SP3: variants seen among roughly 807,000 people sequenced by gnomAD.
SP3 encodes Sp3 transcription factor, also known as transcription factor Sp3.
Under a neutral mutation model 70.3 loss-of-function variants are expected in SP3, and 10 were observed. That is an observed-to-expected ratio of 0.14 (90% CI 0.09 to 0.24). The LOEUF is 0.24. SP3 is among the 10% of genes least tolerant of loss of function. The pLI, the probability that SP3 is intolerant of heterozygous loss-of-function variation, is 1.00. For synonymous variants in SP3, 402 were observed against 333.5 expected, an observed-to-expected ratio of 1.21 and a Z score of -2.24; for missense variants, 825 against 914.6, an observed-to-expected ratio of 0.90 and a Z score of 1.26.
At chr2:173,943,027 G>A (rs2105484530) in intron 4 of SP3, among the ~76,000 whole-genome samples, 1 of 152,182 alleles carries the variant, frequency 6.6e-6, no homozygotes, top group South Asian at 2.1e-4. Context: ...GAGCATCTGG[G>A]GATTTTGATA....
At chr2:173,952,699 G>A (rs1690748294) in intron 4 of SP3, among the ~76,000 whole-genome samples, 1 of 152,206 alleles carries the variant, frequency 6.6e-6, no homozygotes, top group Admixed American at 6.5e-5. Flanking sequence ...TATCCATACA[G>A]TGGAACAGTA....
intron 4 of SP3, among the ~76,000 whole-genome samples, chr2:173,927,089 C>A (rs1203273881): frequency 1.3e-5 from 2 of 151,906 alleles, no homozygotes; most frequent in Non-Finnish European, 1.5e-5. Flanking sequence ...CAAGAGGTGC[C>A]ACACACACTT....
At chr2:173,929,299 C>CAAAA (rs1284780338) in intron 4 of SP3, among the ~76,000 whole-genome samples, 3 of 152,270 alleles carry the variant, frequency 2.0e-5, no homozygotes, top group Admixed American at 6.5e-5. Flanking sequence ...CCCCTGCTGT[C>CAAAA]AAATATTTAT....
Position 173,955,134 on chromosome 2 carries a change from G to A in SP3, c.1378C>T (p.Gln460Ter). 1 of 1,614,192 alleles carries A rather than the reference G, an allele frequency of 6.2e-7. No individual in the cohort carries two copies. Among genetic ancestry groups the A allele is most frequent in the Non-Finnish European group, 8.5e-7 (1 of 1,180,030 alleles). ...ACTTGAAACGTTTGCCAAGTTACCT[G>A]TCCAGAAGGGGTCACTGTCTGTGCC... is the stretch of plus-strand genomic sequence containing the variant. ...IQAQTVTPSG[Q>*]VTWQTFQVQG... The change falls in exon 4 of 7, where the codon CAG (glutamine) becomes TAG (stop). Residue 460 changes from glutamine to a stop codon, truncating the protein, a stop_gained. Coordinates refer to ENST00000310015, the MANE Select transcript of SP3 (RefSeq NM_003111.5). LOFTEE classifies it high-confidence loss of function.
At chr2:173,964,774 C>T (rs1691234527) in intron 1 of SP3, 2 of 382,984 alleles carry the variant, frequency 5.2e-6, no homozygotes, top group East Asian at 4.4e-5. Context: ...CTCCTCTTTC[C>T]CTCCTCCTCC....
In SP3 at chr2:173,909,080, T is replaced by C. The variant is rs1480001950; in HGVS notation, c.*861A>G. On this transcript the variant is annotated 3_prime_UTR_variant, in exon 7 of 7. Transcript: ENST00000310015. ...TTTAAGGCCCTGGGAGACATGGTTT[T>C]TGGAAACAAGATTGGATAAAAATCA... 1 of 152,544 alleles carries C rather than the reference T, an allele frequency of 6.6e-6. No homozygotes were observed. Among genetic ancestry groups the C allele is most frequent in the Non-Finnish European group, 1.5e-5 (1 of 67,966 alleles). The allele number at this position is 152,544 out of a possible 1,614,324, so 9.4% of individuals were successfully genotyped here. A position where few individuals can be genotyped will look rare whatever the true frequency, so the allele number is the denominator to read the frequency against.
chr2:173,953,779 CA>C (rs571748179), intron 4 of SP3, among the ~76,000 whole-genome samples: 22,149 of 108,568 alleles, frequency 0.2, 1,872 homozygotes, highest in Middle Eastern at 0.27. Context: ...AAAAACAAAA[CA>C]AAACAAAAAA....
At chr2:173,963,533 T>C (rs1691154772) in intron 3 of SP3, among the ~76,000 whole-genome samples, 1 of 152,162 alleles carries the variant, frequency 6.6e-6, no homozygotes, top group South Asian at 2.1e-4. Flanking sequence ...AGACTTCATT[T>C]TGTGAAGATT....
intron 3 of SP3, among the ~76,000 whole-genome samples, chr2:173,958,380 A>C (rs943578256): frequency 6.6e-6 from 1 of 151,996 alleles, no homozygotes; most frequent in Non-Finnish European, 1.5e-5. Flanking sequence ...CGCAAATGAC[A>C]AATCTGAGTA....
intron 4 of SP3, among the ~76,000 whole-genome samples, chr2:173,938,459 C>CAA (rs747595137): frequency 0.022 from 947 of 43,718 alleles, 14 homozygotes; most frequent in African/African-American, 0.045. Flanking sequence ...AACTTTGCCT[C>CAA]AAAAAAAAAA....
At position 173,906,248 on chromosome 2, in the gene SP3, T is replaced by G. The variant is rs1689317153; in HGVS notation, c.*3693A>C. On this transcript the variant is annotated 3_prime_UTR_variant, in exon 7 of 7. Transcript: ENST00000310015. ...ATGCAGAATTCTCCCTCTTCTAGGT[T>G]TCTACAGTACTTTGTTTCTGCCACT... is the stretch of plus-strand genomic sequence containing the variant. Among the ~76,000 whole-genome samples, 5 of 152,294 alleles carry G rather than the reference T, an allele frequency of 3.3e-5. No homozygotes were observed. The South Asian group carries it at 1.0e-3, about 32-fold the overall frequency.
At chr2:173,919,974 G>A (rs959482515) in intron 4 of SP3, among the ~76,000 whole-genome samples, 1 of 152,022 alleles carries the variant, frequency 6.6e-6, no homozygotes, top group African/African-American at 2.4e-5. Context: ...TATTGGAATG[G>A]AAAAACAAAT....
In SP3 at chr2:173,902,027, C is replaced by T. The variant is rs1461685011; in HGVS notation, c.*7914G>A. Among the ~76,000 whole-genome samples the T allele has an allele frequency of 6.6e-6, 1 of 152,126 alleles. No homozygotes were observed. The highest frequency in any genetic ancestry group is 1.9e-4 in the East Asian group (1 of 5,186). ...ATATTCAACTCAAGAGAGTGGTCTACTATGTGAGAAGACCCCTACAGTGAG... is the reference window on the plus strand; with the variant it reads ...ATATTCAACTCAAGAGAGTGGTCTATTATGTGAGAAGACCCCTACAGTGAG... On this transcript the variant is annotated 3_prime_UTR_variant, in exon 7 of 7. Transcript: ENST00000310015.
chr2:173,939,934 T>C (rs987523134), intron 4 of SP3, among the ~76,000 whole-genome samples: 5 of 152,210 alleles, frequency 3.3e-5, no homozygotes, highest in African/African-American at 1.2e-4. Flanking sequence ...GTGCAATGAC[T>C]CAATCATAAC....
chr2:173,948,730 G>A (rs7558325), intron 4 of SP3, among the ~76,000 whole-genome samples: 47,287 of 151,684 alleles, frequency 0.31, 7,880 homozygotes, highest in East Asian at 0.61. Flanking sequence ...TATTACTTTT[G>A]TAAGCAAATC....
rs1392571193 is a variant in SP3, at chr2:173,901,510, C to A, written c.*8431G>T. On this transcript the variant is annotated 3_prime_UTR_variant, in exon 7 of 7. Coordinates refer to ENST00000310015, the MANE Select transcript of SP3 (RefSeq NM_003111.5). Reference sequence around the variant, plus strand: ...GTGGGCAAAGGATTCAAACAGGCAACTCCCATCAGAGGAAAATGGATTATG... The same window carrying A: ...GTGGGCAAAGGATTCAAACAGGCAAATCCCATCAGAGGAAAATGGATTATG... Among the ~76,000 whole-genome samples the A allele has an allele frequency of 6.6e-6, 1 of 152,048 alleles. No individual in the cohort carries two copies. The highest frequency in any genetic ancestry group is 6.6e-5 in the Admixed American group (1 of 15,260).
rs1271982317 is a variant in SP3, at chr2:173,905,932, G to T, written c.*4009C>A. ...GGAGGATTGCTTGAGACCAGTAAGTGGAGTCTGCAGTAAGCCATGATTGCA... is the reference window on the plus strand; with the variant it reads ...GGAGGATTGCTTGAGACCAGTAAGTTGAGTCTGCAGTAAGCCATGATTGCA... On this transcript the variant is annotated 3_prime_UTR_variant, in exon 7 of 7. Transcript: ENST00000310015. Among the ~76,000 whole-genome samples the T allele has an allele frequency of 6.6e-6, 1 of 152,178 alleles. No individual in the cohort carries two copies. Among genetic ancestry groups the T allele is most frequent in the Non-Finnish European group, 1.5e-5 (1 of 68,032 alleles).
At chr2:173,965,572 C>T (rs1382779906), upstream of SP3, 3 of 217,152 alleles carry the variant, frequency 1.4e-5, no homozygotes, top group Admixed American at 6.0e-5. Context: ...TCGCCGGTTA[C>T]CCCGCTGTGC....
chr2:173,952,994 C>T (rs1390110421), intron 4 of SP3, among the ~76,000 whole-genome samples: 2 of 152,172 alleles, frequency 1.3e-5, no homozygotes, highest in African/African-American at 4.8e-5. Flanking sequence ...AACTCTATGA[C>T]CATAGTTACA....
Sources: allele counts gnomAD v4.1 joint callset (sites outside exome capture counted in the v4.1 genomes callset), GRCh38; gene constraint gnomAD v4.1.1; transcripts MANE v1.5; gene names NCBI Gene and HGNC (gene_info 2026-07-23, HGNC 2026-07-21).